The following INVS variants were observed in gnomAD, a reference collection of about 807,000 sequenced individuals.
The protein encoded by INVS is inversion of embryo turning homolog.
INVS carries 86 observed loss-of-function variants against 108.8 expected under a neutral mutation model. The observed-to-expected ratio is 0.79, with a 90% confidence interval of 0.66 to 0.95. The LOEUF is 0.95. Among genes scored for constraint, INVS ranks in the 40% least tolerant of loss-of-function variants. The probability of loss-of-function intolerance (pLI) is 0.00; values close to 1 mark genes in which losing one functional copy is unlikely to be tolerated. For synonymous variants in INVS, 455 were observed against 473.5 expected, an observed-to-expected ratio of 0.96 and a Z score of 0.51; for missense variants, 1,169 against 1,297.4, an observed-to-expected ratio of 0.90 and a Z score of 1.52.
chr9:100,173,936 A>G (rs1829626725), intron 3 of INVS, among the ~76,000 whole-genome samples: 1 of 152,230 alleles, frequency 6.6e-6, no homozygotes, highest in Non-Finnish European at 1.5e-5. Flanking sequence ...GAAAAACATA[A>G]TTTAGAGTTT....
At chr9:100,231,953 A>G (rs1426336784) in intron 5 of INVS, among the ~76,000 whole-genome samples, 2 of 152,168 alleles carry the variant, frequency 1.3e-5, no homozygotes, top group African/African-American at 4.8e-5. Flanking sequence ...TGGTTGTACT[A>G]ATTTACACTC....
At chr9:100,263,121 A>C (rs550379567) in intron 10 of INVS, among the ~76,000 whole-genome samples, 4 of 151,962 alleles carry the variant, frequency 2.6e-5, no homozygotes. Context: ...TCTAATTTCT[A>C]TTTCCTAATT....
intron 3 of INVS, among the ~76,000 whole-genome samples, chr9:100,206,209 T>C (rs1252670366): frequency 6.6e-6 from 1 of 152,116 alleles, no homozygotes; most frequent in Non-Finnish European, 1.5e-5. Flanking sequence ...AACAACTCCT[T>C]GTAGACAAGA....
intron 2 of INVS, among the ~76,000 whole-genome samples, chr9:100,116,049 G>A (rs1225411932): frequency 1.3e-5 from 2 of 151,608 alleles, no homozygotes; most frequent in African/African-American, 2.4e-5. Flanking sequence ...ATGGCCAGTG[G>A]TGATGAGCAT....
chr9:100,254,218 A>T (rs1410788342), intron 10 of INVS, among the ~76,000 whole-genome samples: 1 of 152,122 alleles, frequency 6.6e-6, no homozygotes, highest in Non-Finnish European at 1.5e-5. Context: ...TGTCTTCTTT[A>T]GAGAAGTGTC....
At chr9:100,186,002 T>C (rs1830045752) in intron 3 of INVS, among the ~76,000 whole-genome samples, 1 of 152,210 alleles carries the variant, frequency 6.6e-6, no homozygotes, top group African/African-American at 2.4e-5. Flanking sequence ...TGTGCTGCAA[T>C]ATACATATGC....
At chr9:100,104,400 T>G in intron 1 of INVS, 98 bp from the exon 2 acceptor site, 3 of 722,326 alleles carry the variant, frequency 4.2e-6, no homozygotes, top group Non-Finnish European at 7.4e-6. Flanking sequence ...GTCAAGTATT[T>G]CTAGTAAGCC....
chr9:100,296,678 C>G (rs760740324), intron 14 of INVS, among the ~76,000 whole-genome samples: 1 of 152,208 alleles, frequency 6.6e-6, no homozygotes, highest in East Asian at 1.9e-4. Context: ...GCCTGTTCCA[C>G]TAGTCTGTGA....
intron 4 of INVS, 137 bp downstream of exon 4, chr9:100,226,372 AG>A: frequency 1.5e-6 from 1 of 689,448 alleles, no homozygotes; most frequent in East Asian, 2.8e-5. Flanking sequence ...CATACATCTC[AG>A]GGAAGTATTT....
chr9:100,099,610 T>C (rs771553929), intron 1 of INVS, among the ~76,000 whole-genome samples, 194 bp downstream of exon 1: 1 of 152,218 alleles, frequency 6.6e-6, no homozygotes, highest in Non-Finnish European at 1.5e-5. Flanking sequence ...GGGGCCTCAG[T>C]TGAATGAGTC....
At chr9:100,193,378 A>G (rs748973720) in intron 3 of INVS, among the ~76,000 whole-genome samples, 1 of 152,068 alleles carries the variant, frequency 6.6e-6, no homozygotes, top group Non-Finnish European at 1.5e-5. Flanking sequence ...CATTTTAACC[A>G]TTTTTGAGTA....
chr9:100,231,130 A>C (rs1831498911), intron 5 of INVS, among the ~76,000 whole-genome samples: 1 of 152,208 alleles, frequency 6.6e-6, no homozygotes, highest in South Asian at 2.1e-4. Context: ...GAGGTTTTCT[A>C]ATCCCTCTGT....
intron 3 of INVS, among the ~76,000 whole-genome samples, chr9:100,145,513 G>C (rs1209751331): frequency 6.6e-6 from 1 of 151,836 alleles, no homozygotes; most frequent in Non-Finnish European, 1.5e-5. Flanking sequence ...GGATCAGGGG[G>C]TTCTTGCCCC....
intron 3 of INVS, among the ~76,000 whole-genome samples, chr9:100,166,799 G>C (rs1206669910): frequency 1.3e-5 from 2 of 152,162 alleles, no homozygotes; most frequent in African/African-American, 4.8e-5. Context: ...GATTATTGTA[G>C]TAACCTTGCT....
intron 2 of INVS, among the ~76,000 whole-genome samples, chr9:100,125,256 C>G (rs895732150): frequency 3.9e-5 from 6 of 152,182 alleles, no homozygotes; most frequent in African/African-American, 1.4e-4. Flanking sequence ...AGGGCTCCTC[C>G]CAACGGTCTC....
chr9:100,147,623 C>G (rs1828660547), intron 3 of INVS, among the ~76,000 whole-genome samples: 1 of 151,826 alleles, frequency 6.6e-6, no homozygotes, highest in African/African-American at 2.4e-5. Context: ...TAAGCCTGCA[C>G]AAGTGAAAAA....
intron 8 of INVS, among the ~76,000 whole-genome samples, chr9:100,247,696 G>C (rs896313195): frequency 6.6e-6 from 1 of 151,826 alleles, no homozygotes; most frequent in Non-Finnish European, 1.5e-5. Context: ...TCCCTATACC[G>C]AGACAACCAC....
intron 3 of INVS, among the ~76,000 whole-genome samples, chr9:100,139,446 G>A (rs1828348277): frequency 6.6e-6 from 1 of 151,882 alleles, no homozygotes; most frequent in African/African-American, 2.4e-5. Context: ...TCAAATATTT[G>A]TCTCTAGCCC....
intron 3 of INVS, among the ~76,000 whole-genome samples, chr9:100,220,580 C>G (rs765789804): frequency 2.0e-5 from 3 of 152,162 alleles, no homozygotes; most frequent in Non-Finnish European, 2.9e-5. Flanking sequence ...CTCTTTTGAT[C>G]TATTATCTCC....
Sources: gnomAD v4.1 joint callset for allele counts (sites outside exome capture counted in the v4.1 genomes callset) on GRCh38, gnomAD v4.1.1 for gene constraint, MANE v1.5 for transcripts, NCBI Gene and HGNC (gene_info 2026-07-23, HGNC 2026-07-21) for gene names.